INPP4A: variants seen among roughly 807,000 people sequenced by gnomAD.
INPP4A encodes inositol polyphosphate-4-phosphatase, type I, 107kD.
In INPP4A, 33 loss-of-function variants were observed where a neutral mutation model predicts 119.8. The ratio of observed to expected loss-of-function variants is 0.28; its 90% confidence interval spans 0.21 to 0.37. The LOEUF (loss-of-function observed/expected upper bound fraction) is 0.37. Among genes scored for constraint, INPP4A ranks in the 10% least tolerant of loss-of-function variants. INPP4A has a pLI of 1.00. For synonymous variants in INPP4A, 496 were observed against 500.7 expected (o/e 0.99, Z 0.12); for missense variants, 956 against 1,289.9 (o/e 0.74, Z 3.97).
chr2:98,567,122 G>A (rs1220065922), intron 21 of INPP4A, among the ~76,000 whole-genome samples: 3 of 152,138 alleles, frequency 2.0e-5, no homozygotes, highest in Non-Finnish European at 4.4e-5. Flanking sequence ...AGGTCGTTTC[G>A]CTGGCACGTG....
At chr2:98,557,743 C>T (rs1480569139) in intron 16 of INPP4A, among the ~76,000 whole-genome samples, 1 of 152,254 alleles carries the variant, frequency 6.6e-6, no homozygotes, top group Admixed American at 6.5e-5. Flanking sequence ...GTGAGGGTCA[C>T]CCAGGGCCAA....
At chr2:98,536,871 A>T (rs1366894077) in intron 7 of INPP4A, among the ~76,000 whole-genome samples, 6 of 152,236 alleles carry the variant, frequency 3.9e-5, no homozygotes, top group Non-Finnish European at 2.9e-5. Context: ...TATTGCAGGC[A>T]TTGGCTGTCT....
chr2:98,576,891 G>T (rs757884081), intron 23 of INPP4A, 98 bp from the exon 24 acceptor site: 541 of 1,432,108 alleles, frequency 3.8e-4, no homozygotes, highest in Non-Finnish European at 4.8e-4. Context: ...TTCTGTTCCT[G>T]CCCTTGCTGG....
At chr2:98,519,445 G>C (rs911659250) in intron 2 of INPP4A, 1 of 152,514 alleles carries the variant, frequency 6.6e-6, no homozygotes, top group Admixed American at 6.5e-5. Flanking sequence ...AGACACACGT[G>C]AAGTTTATGC....
At chr2:98,446,887 A>G (rs1694283891) in intron 1 of INPP4A, among the ~76,000 whole-genome samples, 1 of 152,198 alleles carries the variant, frequency 6.6e-6, no homozygotes, top group African/African-American at 2.4e-5. Flanking sequence ...AGGATGAAAT[A>G]AAATAATACA....
chr2:98,555,452 G>T, intron 15 of INPP4A, 101 bp from the exon 16 acceptor site: 2 of 1,265,804 alleles, frequency 1.6e-6, no homozygotes, highest in African/African-American at 3.0e-5. Flanking sequence ...AACAAGTGTG[G>T]AAGCCTAGGG....
rs1203212834 is a variant in INPP4A, at chr2:98,524,011, A to G, written c.151+3280A>G. Among the ~76,000 whole-genome samples the G allele has an allele frequency of 5.3e-5, 8 of 152,146 alleles. No individual in the cohort carries two copies. The South Asian group carries it at 1.0e-3, about 20-fold the overall frequency. On this transcript the variant is annotated intron_variant, in intron 4 of 24. Coordinates refer to ENST00000409851, the MANE Select transcript of INPP4A (RefSeq NM_001134225.2). ...TGGCAAAATACCTTTTTTAATATATATGGGATCTGCTTGATCATTTTAAAT... is the reference window on the plus strand; with the variant it reads ...TGGCAAAATACCTTTTTTAATATATGTGGGATCTGCTTGATCATTTTAAAT...
chr2:98,498,113 G>A (rs956118081), intron 1 of INPP4A, among the ~76,000 whole-genome samples: 1 of 152,132 alleles, frequency 6.6e-6, no homozygotes, highest in African/African-American at 2.4e-5. Context: ...AAAATGTGAG[G>A]ACATGAGATT....
intron 4 of INPP4A, among the ~76,000 whole-genome samples, chr2:98,529,040 C>T (rs1239535845): frequency 7.4e-5 from 11 of 149,084 alleles, no homozygotes; most frequent in Admixed American, 3.3e-4. Context: ...GATCGCACCA[C>T]TGCACTCCAG....
intron 1 of INPP4A, among the ~76,000 whole-genome samples, chr2:98,458,003 T>TGG (rs1558868124): frequency 2.7e-5 from 4 of 149,446 alleles, no homozygotes; most frequent in African/African-American, 1.0e-4. Context: ...TTTTTTTGTT[T>TGG]AAATGAGGTC....
rs915433197 is a variant in INPP4A at position 98,593,141 on chromosome 2, G to A, written c.*5533G>A. The stretch of plus-strand genomic sequence containing the variant: ...TTCCCTCCACTGGAACCCTGTCTTT[G>A]CCATGATTTCTTCCTGCATCAGGCC... On this transcript the variant is annotated 3_prime_UTR_variant, in exon 25 of 25. Coordinates refer to ENST00000409851, the MANE Select transcript of INPP4A (RefSeq NM_001134225.2). The A allele has an allele frequency of 4.6e-5, 7 of 152,342 alleles. No individual in the cohort carries two copies. Among genetic ancestry groups the A allele is most frequent in the Admixed American group, 6.5e-5 (1 of 15,284 alleles). The allele number at this position is 152,342 out of a possible 1,614,324, so 9.4% of individuals were successfully genotyped here.
intron 1 of INPP4A, among the ~76,000 whole-genome samples, chr2:98,481,905 T>C (rs1301076441): frequency 6.6e-6 from 1 of 152,202 alleles, no homozygotes; most frequent in African/African-American, 2.4e-5. Context: ...TGCCTCTCCT[T>C]CTCCCTTCAT....
At chr2:98,541,062 T>C (rs1202721105) in intron 10 of INPP4A, among the ~76,000 whole-genome samples, 1 of 152,234 alleles carries the variant, frequency 6.6e-6, no homozygotes, top group Non-Finnish European at 1.5e-5. Flanking sequence ...GCGCAGTGGC[T>C]CACGCCTGTA....
chr2:98,470,473 G>A (rs938536517), intron 1 of INPP4A, among the ~76,000 whole-genome samples: 4 of 152,136 alleles, frequency 2.6e-5, no homozygotes, highest in Non-Finnish European at 5.9e-5. Context: ...GCTGGGCTTC[G>A]GCCCCTGCAA....
chr2:98,455,243 C>T (rs1348368358), intron 1 of INPP4A, among the ~76,000 whole-genome samples: 3 of 151,928 alleles, frequency 2.0e-5, no homozygotes, highest in South Asian at 2.1e-4. Flanking sequence ...GAGGCTGAGG[C>T]GGGAGGATCA....
At chr2:98,518,524 G>A (rs1574875569) in intron 1 of INPP4A, among the ~76,000 whole-genome samples, 1 of 152,256 alleles carries the variant, frequency 6.6e-6, no homozygotes, top group South Asian at 2.1e-4. Context: ...GGAACTCAGT[G>A]GAGTTTGCAG....
chr2:98,538,142 G>A (rs1422001284), intron 8 of INPP4A, among the ~76,000 whole-genome samples, 168 bp downstream of exon 8: 13 of 152,238 alleles, frequency 8.5e-5, no homozygotes, highest in Admixed American at 8.5e-4. Context: ...CTTGAAGCAG[G>A]AAAAAGGGCT....
At chr2:98,579,539 C>T (rs955121412) in intron 24 of INPP4A, among the ~76,000 whole-genome samples, 5 of 152,238 alleles carry the variant, frequency 3.3e-5, no homozygotes, top group African/African-American at 1.2e-4. Context: ...ACCAAATGGT[C>T]CCCACAGTAG....
At chr2:98,565,592 A>C (rs1327881764) in intron 19 of INPP4A, 48 bp from the exon 20 acceptor site, 2 of 1,564,656 alleles carry the variant, frequency 1.3e-6, no homozygotes, top group Non-Finnish European at 1.7e-6. Flanking sequence ...GACTGGGGAG[A>C]GTAGCAGGGC....
Sources: allele counts gnomAD v4.1 joint callset (sites outside exome capture counted in the v4.1 genomes callset), GRCh38; gene constraint gnomAD v4.1.1; transcripts MANE v1.5; gene names NCBI Gene and HGNC (gene_info 2026-07-23, HGNC 2026-07-21).